The following SCAF8 variants were observed in gnomAD, a reference collection of about 807,000 sequenced individuals.
The protein encoded by SCAF8 is SR-related CTD associated factor 8.
A neutral mutation model predicts 140.5 loss-of-function variants in SCAF8; 23 were observed. That is an observed-to-expected ratio of 0.16 (90% CI 0.12 to 0.23). The LOEUF (loss-of-function observed/expected upper bound fraction) is 0.23, where lower values mean the gene tolerates loss of function less well. SCAF8 is among the 10% of genes least tolerant of loss of function. The pLI, the probability that SCAF8 is intolerant of heterozygous loss-of-function variation, is 1.00. For synonymous variants in SCAF8, 575 were observed against 528.9 expected, an observed-to-expected ratio of 1.09 and a Z score of -1.20; for missense variants, 1,397 against 1,555.7, an observed-to-expected ratio of 0.90 and a Z score of 1.72.
At chr6:154,776,426 A>G in intron 2 of SCAF8, among the ~76,000 whole-genome samples, 1 of 152,112 alleles carries the variant, frequency 6.6e-6, no homozygotes, top group East Asian at 1.9e-4. Flanking sequence ...TTAACATTGC[A>G]TTGTCAACAA....
intron 16 of SCAF8, among the ~76,000 whole-genome samples, chr6:154,823,163 AG>A (rs1291598476): frequency 6.6e-6 from 1 of 152,204 alleles, no homozygotes; most frequent in Admixed American, 6.5e-5. Context: ...GCTAGAATAA[AG>A]CCAGTCCTCT....
In SCAF8 at chr6:154,781,461, C is replaced by T. The variant is rs368444368; in HGVS notation, c.159+3416C>T. ...TGGTATTCCCATAAACTACCACTGA[C>T]ATTTTTCACAGAATTAGAAAAAACT... On this transcript the variant is annotated intron_variant, in intron 3 of 19. Coordinates refer to ENST00000367178, the MANE Select transcript of SCAF8 (RefSeq NM_014892.5). 2.0e-5 allele frequency among the ~76,000 whole-genome samples: 3 copies of T among 152,122 alleles called. No homozygotes were observed. The South Asian group carries it at 6.2e-4, about 32-fold the overall frequency.
chr6:154,748,328 T>C (rs1012951108), intron 1 of SCAF8, among the ~76,000 whole-genome samples: 1 of 152,220 alleles, frequency 6.6e-6, no homozygotes, highest in Non-Finnish European at 1.5e-5. Context: ...GAATAATTAC[T>C]ATCCAAAGTT....
intron 18 of SCAF8, among the ~76,000 whole-genome samples, chr6:154,829,662 T>C (rs995214901): frequency 1.3e-5 from 2 of 152,202 alleles, no homozygotes; most frequent in Non-Finnish European, 2.9e-5. Context: ...ATCTCAGTAC[T>C]TTGGGAGGCT....
Position 154,741,527 on chromosome 6 carries a change from C to T in SCAF8, c.30+7597C>T, listed in dbSNP as rs577681644. On this transcript the variant is annotated intron_variant, in intron 1 of 19. Transcript: ENST00000367178. Reference sequence around the variant, plus strand: ...GTTCAAGCAATTCTCCTGCCTCAGCCTCCCCAGTAGCTGGAATTACAGGCA... The same window carrying T: ...GTTCAAGCAATTCTCCTGCCTCAGCTTCCCCAGTAGCTGGAATTACAGGCA... 3.0e-3 allele frequency among the ~76,000 whole-genome samples: 455 copies of T among 152,188 alleles called. 4 individuals carry two copies. Among genetic ancestry groups the T allele is most frequent in the African/African-American group, 0.011 (443 of 41,516 alleles).
At position 154,770,369 on chromosome 6, in the gene SCAF8, TAC is replaced by T. The variant is rs1226898910; in HGVS notation, c.31-3601_31-3600del. Among the ~76,000 whole-genome samples, 328 of 146,386 alleles carry T rather than the reference TAC, an allele frequency of 2.2e-3. 2 individuals carry two copies. The highest frequency in any genetic ancestry group is 6.4e-3 in the African/African-American group (256 of 39,754). ...GTGCCAGCTACTTGAGAGGTTGAGG[TAC>T]ACACACACACACACACACTCTCTCT... is the stretch of plus-strand genomic sequence containing the variant. On this transcript the variant is annotated intron_variant, in intron 1 of 19. Coordinates refer to ENST00000367178, the MANE Select transcript of SCAF8 (RefSeq NM_014892.5).
intron 4 of SCAF8, among the ~76,000 whole-genome samples, chr6:154,792,419 A>G (rs1407146302): frequency 1.3e-5 from 2 of 152,230 alleles, no homozygotes; most frequent in African/African-American, 4.8e-5. Flanking sequence ...ATTTGTTCAA[A>G]AGATAGACAT....
chr6:154,785,242 G>T (rs1226437122), intron 3 of SCAF8, among the ~76,000 whole-genome samples: 11 of 152,126 alleles, frequency 7.2e-5, no homozygotes, highest in Non-Finnish European at 1.0e-4. Context: ...GCCCACTTCT[G>T]TTGACATTGT....
chr6:154,749,961 T>G (rs1778798658), intron 1 of SCAF8, among the ~76,000 whole-genome samples: 1 of 152,092 alleles, frequency 6.6e-6, no homozygotes, highest in African/African-American at 2.4e-5. Context: ...AAGGGATGAC[T>G]GCAGTAGAAG....
At chr6:154,812,333 T>C (rs976427164) in intron 12 of SCAF8, among the ~76,000 whole-genome samples, 1 of 147,882 alleles carries the variant, frequency 6.8e-6, no homozygotes, top group Non-Finnish European at 1.5e-5. Context: ...ATTTTAAAAT[T>C]AGGGTATGTA....
At chr6:154,796,375 C>CTT (rs1367187982) in intron 6 of SCAF8, among the ~76,000 whole-genome samples, 1 of 140,142 alleles carries the variant, frequency 7.1e-6, no homozygotes, top group Non-Finnish European at 1.5e-5. Context: ...CTCTCTCTCT[C>CTT]TCTCTCTCTC....
intron 1 of SCAF8, among the ~76,000 whole-genome samples, chr6:154,742,480 C>T (rs1778595906): frequency 6.6e-6 from 1 of 152,102 alleles, no homozygotes; most frequent in South Asian, 2.1e-4. Flanking sequence ...GGTAGAGGTA[C>T]TATTGATTAT....
chr6:154,832,879 T>A lies in SCAF8; in HGVS notation c.3300T>A (p.Asp1100Glu), dbSNP rs1338763970. ...CCTGGGGGCATAGAGGAGATTTTGA[T>A]GAGAGAGAGCATCGGGTTCTACCGG... The part of the protein sequence containing the change: ...EKPWGHRGDF[D>E]EREHRVLPVY... The change falls in exon 20 of 20, where the codon GAT (aspartate) becomes GAA (glutamate). Residue 1100 changes from aspartate (D) to glutamate (E), a missense_variant. Physicochemically the swap from Asp to Glu is conservative, Grantham distance 45 (BLOSUM62 2). Transcript: ENST00000367178. The A allele has an allele frequency of 1.9e-6, 3 of 1,613,898 alleles. No homozygotes were observed. The Admixed American group carries it at 5.0e-5, about 27-fold the overall frequency.
rs545551010 is a variant in SCAF8 at position 154,753,507 on chromosome 6, C to CG, written c.30+19580dup. 2.0e-3 allele frequency among the ~76,000 whole-genome samples: 302 copies of CG among 151,656 alleles called. 1 individual carries two copies. Among genetic ancestry groups the CG allele is most frequent in the African/African-American group, 6.8e-3 (282 of 41,376 alleles). ...AAAAAAAATTAGCTGGACATAGTGG[C>CG]GGGCGCCTGTAATTCCAGCTACTCG... On this transcript the variant is annotated intron_variant, in intron 1 of 19. Transcript: ENST00000367178.
rs781265368 is a variant in SCAF8 at position 154,831,652 on chromosome 6, TCTTTC to T, written c.2360-281_2360-277del. ...TTTGGGTCTCTTCTAAGCATACTTTTCTTTCCTTTCTTTCCTGTCCTAAAGCCTTT... is the reference window on the plus strand; with the variant it reads ...TTTGGGTCTCTTCTAAGCATACTTTTCTTTCTTTCCTGTCCTAAAGCCTTT... On this transcript the variant is annotated intron_variant, in intron 19 of 19. Transcript: ENST00000367178. Among the ~76,000 whole-genome samples, 8 of 139,194 alleles carry T rather than the reference TCTTTC, an allele frequency of 5.7e-5. No homozygotes were observed. In the East Asian group the frequency reaches 1.4e-3, roughly 25 times the overall value. The allele number at this position is 139,194 out of a possible 152,430, so 91.3% of individuals were successfully genotyped here. A position where few individuals can be genotyped will look rare whatever the true frequency, so the allele number is the denominator to read the frequency against.
chr6:154,750,229 C>G (rs1029479303), intron 1 of SCAF8, among the ~76,000 whole-genome samples: 2 of 152,098 alleles, frequency 1.3e-5, no homozygotes, highest in Non-Finnish European at 2.9e-5. Flanking sequence ...GTTATGGTTA[C>G]TGTTTTGTTA....
At chr6:154,778,804 T>TGTGC (rs1369459305) in intron 3 of SCAF8, among the ~76,000 whole-genome samples, 1 of 151,596 alleles carries the variant, frequency 6.6e-6, no homozygotes, top group African/African-American at 2.4e-5. Context: ...TGTGTGTGTG[T>TGTGC]GTGTGTAGAT....
At chr6:154,749,838 C>A (rs1377708349) in intron 1 of SCAF8, among the ~76,000 whole-genome samples, 2 of 152,040 alleles carry the variant, frequency 1.3e-5, no homozygotes, top group African/African-American at 4.8e-5. Context: ...AAATGACTAG[C>A]ATCTTTGTGG....
chr6:154,783,041 T>TA (rs1438914733), intron 3 of SCAF8, among the ~76,000 whole-genome samples: 6 of 152,170 alleles, frequency 3.9e-5, no homozygotes, highest in African/African-American at 1.4e-4. Flanking sequence ...ATAACTAACT[T>TA]ACCTTAGTTA....
Sources: gnomAD v4.1 joint callset for allele counts (sites outside exome capture counted in the v4.1 genomes callset) on GRCh38, gnomAD v4.1.1 for gene constraint, MANE v1.5 for transcripts, NCBI Gene and HGNC (gene_info 2026-07-23, HGNC 2026-07-21) for gene names.